The following TRIM2 variants were observed in gnomAD, a reference collection of about 807,000 sequenced individuals.
The protein encoded by TRIM2 is tripartite motif-containing protein 2.
In TRIM2, 20 loss-of-function variants were observed where a neutral mutation model predicts 75.2. That is an observed-to-expected ratio of 0.27 (90% CI 0.19 to 0.39). The LOEUF is 0.39. Ranked by LOEUF, TRIM2 falls within the 10% of genes least tolerant of loss-of-function variation. The probability of loss-of-function intolerance (pLI) is 1.00; values close to 1 mark genes in which losing one functional copy is unlikely to be tolerated. For missense variants in TRIM2, 660 were observed against 990.8 expected (o/e 0.67, Z 4.48); for synonymous variants, 373 against 388.3 (o/e 0.96, Z 0.46).
chr4:153,324,283 G>A, intron 10 of TRIM2, 135 bp downstream of exon 10: 1 of 652,182 alleles, frequency 1.5e-6, no homozygotes, highest in Non-Finnish European at 2.4e-6. Flanking sequence ...TCTGCTCAAA[G>A]ATGCCGGTTT....
intron 1 of TRIM2, among the ~76,000 whole-genome samples, chr4:153,160,930 G>T (rs1729679650): frequency 6.6e-6 from 1 of 152,066 alleles, no homozygotes; most frequent in Non-Finnish European, 1.5e-5. Flanking sequence ...TTAAAAAGGG[G>T]AGGGGAGGGT....
intron 1 of TRIM2, among the ~76,000 whole-genome samples, chr4:153,161,947 CTGATTA>C: frequency 6.6e-6 from 1 of 152,346 alleles, no homozygotes; most frequent in South Asian, 2.1e-4. Context: ...TGGCCAGACT[CTGATTA>C]TGATTAAGCA....
intron 1 of TRIM2, among the ~76,000 whole-genome samples, chr4:153,182,129 G>C (rs924060078): frequency 2.0e-5 from 3 of 151,506 alleles, no homozygotes; most frequent in Non-Finnish European, 2.9e-5. Context: ...GAGATAAGAT[G>C]TGGTAGAGGG....
At chr4:153,332,466 A>G (rs952329843) in intron 11 of TRIM2, among the ~76,000 whole-genome samples, 4 of 152,088 alleles carry the variant, frequency 2.6e-5, no homozygotes, top group African/African-American at 9.7e-5. Flanking sequence ...CCAACATGGC[A>G]AAACTGCGTC....
At chr4:153,264,755 C>A (rs1307697908) in intron 1 of TRIM2, among the ~76,000 whole-genome samples, 8 of 152,088 alleles carry the variant, frequency 5.3e-5, no homozygotes. Context: ...AGCACATTGT[C>A]CCATTAGGAG....
At chr4:153,258,210 A>G (rs1006904057) in intron 1 of TRIM2, among the ~76,000 whole-genome samples, 2 of 152,134 alleles carry the variant, frequency 1.3e-5, no homozygotes, top group African/African-American at 4.8e-5. Flanking sequence ...CATGGCTGGC[A>G]GTTACCATTG....
At chr4:153,203,134 T>C (rs1434194803), upstream of TRIM2, among the ~76,000 whole-genome samples, 1 of 146,886 alleles carries the variant, frequency 6.8e-6, no homozygotes, top group Non-Finnish European at 1.5e-5. Context: ...AAAAGTGGAA[T>C]TTAGTTAAGT....
chr4:153,242,700 C>T (rs1422290614), intron 1 of TRIM2, among the ~76,000 whole-genome samples: 2 of 152,228 alleles, frequency 1.3e-5, no homozygotes, highest in Non-Finnish European at 2.9e-5. Flanking sequence ...GAAACTCAGG[C>T]AGCCTGCACA....
At chr4:153,300,432 G>A (rs760383418) in intron 6 of TRIM2, among the ~76,000 whole-genome samples, 10 of 151,998 alleles carry the variant, frequency 6.6e-5, no homozygotes, top group East Asian at 3.8e-4. Flanking sequence ...GATATGTGCC[G>A]CCATACCTGA....
In TRIM2 at chr4:153,335,781, AAGTT is replaced by A. The variant is rs1419017656; in HGVS notation, c.*819_*822del. 120 of 985,844 alleles carry A rather than the reference AAGTT, an allele frequency of 1.2e-4. No homozygotes were observed. The African/African-American group carries it at 1.9e-3, about 16-fold the overall frequency. The allele number at this position is 985,844 out of a possible 1,614,324, so 61.1% of individuals were successfully genotyped here. A position where few individuals can be genotyped will look rare whatever the true frequency, so the allele number is the denominator to read the frequency against. ...TCATTGCACTGGAATGTAATCAAGA[AAGTT>A]AGTCATGTTTTATGTACCATGTTTT... On this transcript the variant is annotated 3_prime_UTR_variant, in exon 12 of 12. Transcript: ENST00000338700.
chr4:153,239,369 A>G (rs1378360907), intron 1 of TRIM2, among the ~76,000 whole-genome samples: 1 of 148,762 alleles, frequency 6.7e-6, no homozygotes, highest in East Asian at 2.0e-4. Flanking sequence ...AAAAAAAAAG[A>G]ACTCTGGCTT....
At chr4:153,320,630 T>TTTG (rs1768718010) in intron 8 of TRIM2, among the ~76,000 whole-genome samples, 2 of 152,146 alleles carry the variant, frequency 1.3e-5, no homozygotes, top group East Asian at 1.9e-4. Context: ...TCTGAGAGTT[T>TTTG]TTGTTGTTGT....
intron 6 of TRIM2, among the ~76,000 whole-genome samples, chr4:153,298,101 G>A (rs752333672): frequency 2.4e-4 from 36 of 152,114 alleles, no homozygotes; most frequent in Non-Finnish European, 4.0e-4. Context: ...TTCTCCCCTC[G>A]TACCTACTGA....
chr4:153,328,737 TC>T (rs1770799415), intron 11 of TRIM2, 67 bp downstream of exon 11: 8 of 1,461,266 alleles, frequency 5.5e-6, no homozygotes, highest in Non-Finnish European at 7.3e-6. Flanking sequence ...GAATTTGCTG[TC>T]CCCCAAACTG....
intron 8 of TRIM2, among the ~76,000 whole-genome samples, chr4:153,319,532 C>A (rs1361931718): frequency 6.6e-6 from 1 of 152,026 alleles, no homozygotes; most frequent in Admixed American, 6.6e-5. Flanking sequence ...AGTTCAAGAC[C>A]AGCCTGGCCA....
In TRIM2 at chr4:153,204,551, T is replaced by C. The variant is rs1560810655; in HGVS notation, c.21T>C (p.Tyr7=). 1.3e-6 allele frequency: 2 copies of C among 1,551,748 alleles called. No individual in the cohort carries two copies. The highest frequency in any genetic ancestry group is 2.4e-5 in the East Asian group (1 of 40,926). Residue 7 remains tyrosine (Y), a synonymous_variant, in exon 1 of 12, where the codon TAT becomes TAC. Coordinates refer to ENST00000338700, the MANE Select transcript of TRIM2 (RefSeq NM_015271.5). ...CTTCGATGCACAGGAGTGGCCGTTA[T>C]GGAACGCAGGTAAGGACGCTTCTCA... MHRSGR[Y]GTQQQRAGSK... is the part of the protein sequence containing the mutation.
At chr4:153,215,111 G>A (rs1275497095) in intron 1 of TRIM2, among the ~76,000 whole-genome samples, 1 of 152,080 alleles carries the variant, frequency 6.6e-6, no homozygotes, top group Non-Finnish European at 1.5e-5. Flanking sequence ...ACACTAACTC[G>A]AACATACACT....
At chr4:153,293,156 C>G (rs1762154635) in intron 4 of TRIM2, 23 bp downstream of exon 4, 7 of 1,588,626 alleles carry the variant, frequency 4.4e-6, no homozygotes, top group Non-Finnish European at 6.0e-6. Context: ...TCCCCAAACC[C>G]CCAACTGGCT....
intron 6 of TRIM2, among the ~76,000 whole-genome samples, chr4:153,299,238 T>C (rs550601143): frequency 6.6e-6 from 1 of 152,254 alleles, no homozygotes; most frequent in African/African-American, 2.4e-5. Context: ...AGTGAGATCA[T>C]GTATTATTTG....
Sources: allele counts gnomAD v4.1 joint callset (sites outside exome capture counted in the v4.1 genomes callset), GRCh38; gene constraint gnomAD v4.1.1; transcripts MANE v1.5; gene names NCBI Gene and HGNC (gene_info 2026-07-23, HGNC 2026-07-21).